ZNF133: variants seen among roughly 807,000 people sequenced by gnomAD.
ZNF133 encodes zinc finger protein 133 (clone pHZ-13).
ZNF133 carries 26 observed loss-of-function variants against 54.9 expected under a neutral mutation model. The ratio of observed to expected loss-of-function variants is 0.47; its 90% confidence interval spans 0.35 to 0.66. The LOEUF (loss-of-function observed/expected upper bound fraction) is 0.66, where lower values mean the gene tolerates loss of function less well. ZNF133 is among the 30% of genes least tolerant of loss of function. The probability of loss-of-function intolerance (pLI) is 0.01; values close to 1 mark genes in which losing one functional copy is unlikely to be tolerated. For synonymous variants in ZNF133, 298 were observed against 320.3 expected (o/e 0.93, Z 0.74); for missense variants, 653 against 820.8 (o/e 0.80, Z 2.50).
rs1225065262 is a variant in ZNF133 at position 18,305,806 on chromosome 20, G to A, written c.120G>A (p.Leu40=). The A allele has an allele frequency of 8.7e-6, 14 of 1,610,276 alleles. No homozygotes were observed. Among genetic ancestry groups the A allele is most frequent in the Non-Finnish European group, 1.2e-5 (14 of 1,178,354 alleles). The change falls in exon 5 of 7, where the codon CTG becomes CTA. Residue 40 remains leucine, a splice_region_variant and synonymous_variant. Transcript: ENST00000425686. This position sits in a 1 kb window ranked among gnomAD's most constrained non-coding sequence, Gnocchi z 4.7. The stretch of plus-strand genomic sequence containing the variant: ...AGAACTACAGCAACCTGGTCTCACT[G>A]GGTAAGCCTGATATCTGTTAGGATT... ...MLENYSNLVS[L]GISFSKPELI...
At chr20:18,299,148 A>G (rs1229085133) in intron 3 of ZNF133, among the ~76,000 whole-genome samples, 1 of 152,226 alleles carries the variant, frequency 6.6e-6, no homozygotes, top group Non-Finnish European at 1.5e-5. Flanking sequence ...TAGTGTACTT[A>G]CTAAACAAAG....
chr20:18,298,026 A>G lies in ZNF133; in HGVS notation c.-390A>G, dbSNP rs1303584508. The G allele has an allele frequency of 2.9e-5, 44 of 1,534,972 alleles. 1 individual carries two copies. Among genetic ancestry groups the G allele is most frequent in the Non-Finnish European group, 3.8e-5 (44 of 1,146,386 alleles). ...ATCATCCTTCTTCAGGGAGATAAGG[A>G]AAAAAAGCCACAGGGTCCCGGAGAG... On this transcript the variant is annotated 5_prime_UTR_variant, in exon 2 of 7. Transcript: ENST00000425686.
Position 18,306,347 on chromosome 20 carries a change from A to G in ZNF133, c.171A>G (p.Lys57=), listed in dbSNP as rs756712097. The change falls in exon 6 of 7, where the codon AAA becomes AAG. Residue 57 remains lysine (K), a synonymous_variant. Transcript: ENST00000425686. ...PELITQLEQG[K]ETWREEKKCS... ...TCATCACCCAGCTGGAGCAAGGGAA[A>G]GAGACCTGGAGAGAGGAAAAAAAAT... 1 of 1,613,860 alleles carries G rather than the reference A, an allele frequency of 6.2e-7. No individual in the cohort carries two copies. Among genetic ancestry groups the G allele is most frequent in the East Asian group, 2.2e-5 (1 of 44,898 alleles).
At chr20:18,301,618 C>G (rs895200691) in intron 3 of ZNF133, among the ~76,000 whole-genome samples, 5 of 152,078 alleles carry the variant, frequency 3.3e-5, no homozygotes, top group Non-Finnish European at 5.9e-5. Context: ...AAGGATTGTA[C>G]AAGAGAACTA....
chr20:18,288,714 C>T (rs2040200145), intron 1 of ZNF133, 110 bp downstream of exon 1: 2 of 398,144 alleles, frequency 5.0e-6, no homozygotes, highest in Admixed American at 4.4e-5. Flanking sequence ...GTGCGGGTGG[C>T]GCGGGGGTGG....
In ZNF133 at chr20:18,305,233, C is replaced by T. The variant is rs1471757998; in HGVS notation, c.-7+55C>T. 3 of 984,900 alleles carry T rather than the reference C, an allele frequency of 3.0e-6. No homozygotes were observed. Among genetic ancestry groups the T allele is most frequent in the Admixed American group, 6.1e-5 (1 of 16,472 alleles). 61.0% of individuals were successfully genotyped at this position (984,900 alleles called of 1,614,324 possible). On this transcript the variant is annotated intron_variant, in intron 4 of 6. Coordinates refer to ENST00000425686, the MANE Select transcript of ZNF133 (RefSeq NM_001352452.2). This position sits in a 1 kb window ranked among gnomAD's most constrained non-coding sequence, Gnocchi z 4.7. ...AGAGGTGGGTCTGAAACTCAGGCAC[C>T]ATGATTCCAGGGCTTCACTACTCTC...
chr20:18,308,716 A>G (rs1032867053), intron 6 of ZNF133, among the ~76,000 whole-genome samples: 1 of 152,208 alleles, frequency 6.6e-6, no homozygotes. Context: ...AAGCAGCAGC[A>G]TGTAGCTGGT....
At chr20:18,289,291 T>A (rs1016076336) in intron 1 of ZNF133, among the ~76,000 whole-genome samples, 3 of 152,146 alleles carry the variant, frequency 2.0e-5, no homozygotes, top group African/African-American at 7.2e-5. Flanking sequence ...GGGACCGTCA[T>A]TGATCGCAAG....
At position 18,316,653 on chromosome 20, in the gene ZNF133, C is replaced by A. The variant is rs766458219; in HGVS notation, c.1802C>A (p.Thr601Lys). 6.2e-7 allele frequency: 1 copy of A among 1,614,132 alleles called. No individual in the cohort carries two copies. The change falls in exon 7 of 7, where the codon ACG becomes AAG. Residue 601 changes from threonine to lysine, a missense_variant. Thr to Lys is a moderately conservative substitution (Grantham distance 78). This residue lies in a region of ZNF133 where 129 missense variants were observed against 138.5 expected (regional missense o/e 0.93). Transcript: ENST00000425686. ...SHLTLHQMTH[T>K]GEKPYVCKTC... is the part of the protein sequence containing the mutation. ...CTCACCTTACATCAAATGACACATACGGGGGAGAAGCCATATGTGTGCAAG... is the reference window on the plus strand; with the variant it reads ...CTCACCTTACATCAAATGACACATAAGGGGGAGAAGCCATATGTGTGCAAG...
chr20:18,291,002 C>A (rs1180529899), intron 1 of ZNF133, among the ~76,000 whole-genome samples: 1 of 152,168 alleles, frequency 6.6e-6, no homozygotes, highest in Non-Finnish European at 1.5e-5. Context: ...TGGCACACAC[C>A]AATAATCCCA....
At chr20:18,311,442 T>C (rs1476349666) in intron 6 of ZNF133, among the ~76,000 whole-genome samples, 3 of 152,178 alleles carry the variant, frequency 2.0e-5, no homozygotes, top group Admixed American at 2.0e-4. Flanking sequence ...AGGACAGAAA[T>C]ACACCAAGTT....
chr20:18,308,759 C>CT (rs2147601950), intron 6 of ZNF133, among the ~76,000 whole-genome samples: 1 of 152,270 alleles, frequency 6.6e-6, no homozygotes, highest in South Asian at 2.1e-4. Context: ...GTGGTGTTAA[C>CT]TTTTAATAGT....
intron 3 of ZNF133, among the ~76,000 whole-genome samples, chr20:18,303,298 C>T (rs1320483044): frequency 1.3e-5 from 2 of 152,204 alleles, no homozygotes; most frequent in South Asian, 4.1e-4. Flanking sequence ...CCACCTGCCT[C>T]GGCCTCCCAA....
rs762956986 is a variant in ZNF133 at position 18,315,296 on chromosome 20, G to C, written c.445G>C (p.Glu149Gln). Residue 149 changes from glutamate (E) to glutamine (Q), a missense_variant, in exon 7 of 7, where the codon GAA becomes CAA. By Grantham distance (29) the Glu-to-Gln change is conservative (BLOSUM62 2). Transcript: ENST00000425686. ...WSDQAEGPEGEGAMPLFGRTK... is the reference protein window; with the variant it reads ...WSDQAEGPEGQGAMPLFGRTK... ...TGATCAAGCAGAAGGTCCTGAGGGA[G>C]AAGGTGCCATGCCTTTGTTTGGAAG... 1.5e-5 allele frequency: 25 copies of C among 1,614,034 alleles called. No homozygotes were observed. In the South Asian group the frequency reaches 2.5e-4, roughly 16 times the overall value.
chr20:18,310,470 T>G (rs1231653270), intron 6 of ZNF133, among the ~76,000 whole-genome samples: 2 of 152,196 alleles, frequency 1.3e-5, no homozygotes, highest in African/African-American at 4.8e-5. Flanking sequence ...ACGGAATCAT[T>G]TGCAACAACA....
intron 1 of ZNF133, among the ~76,000 whole-genome samples, chr20:18,292,265 G>A (rs1486032264): frequency 6.6e-6 from 1 of 152,210 alleles, no homozygotes; most frequent in Admixed American, 6.5e-5. Context: ...CATGTCATGT[G>A]TTTGCTCAAA....
intron 6 of ZNF133, among the ~76,000 whole-genome samples, chr20:18,308,567 A>G (rs2045188033): frequency 6.6e-6 from 1 of 152,174 alleles, no homozygotes; most frequent in Non-Finnish European, 1.5e-5. Context: ...TCTTAGTTCC[A>G]TGAGCTATTG....
chr20:18,316,670 G>A lies in ZNF133; in HGVS notation c.1819G>A (p.Val607Met). 6.2e-7 allele frequency: 1 copy of A among 1,614,168 alleles called. No individual in the cohort carries two copies. Among genetic ancestry groups the A allele is most frequent in the East Asian group, 2.2e-5 (1 of 44,878 alleles). The change falls in exon 7 of 7, where the codon GTG becomes ATG. Residue 607 changes from valine to methionine, a missense_variant. By Grantham distance (21) the Val-to-Met change is conservative. This residue lies in a region of ZNF133 where 129 missense variants were observed against 138.5 expected (regional missense o/e 0.93). Transcript: ENST00000425686. Reference sequence around the variant, plus strand: ...GACACATACGGGGGAGAAGCCATATGTGTGCAAGACGTGTGGGCGGGGCTT... The same window carrying A: ...GACACATACGGGGGAGAAGCCATATATGTGCAAGACGTGTGGGCGGGGCTT... Reference protein sequence around the residue: ...QMTHTGEKPYVCKTCGRGFSL... With the variant: ...QMTHTGEKPYMCKTCGRGFSL...
At position 18,301,132 on chromosome 20, in the gene ZNF133, A is replaced by ATT. The variant is rs556937527; in HGVS notation, c.-178+2670_-178+2671dup. Among the ~76,000 whole-genome samples the ATT allele has an allele frequency of 1.2e-4, 18 of 152,322 alleles. 1 individual carries two copies. In the South Asian group the frequency reaches 3.3e-3, roughly 28 times the overall value. On this transcript the variant is annotated intron_variant, in intron 3 of 6. Transcript: ENST00000425686. ...GATTGAAACCAATAACTGAAAGAAA[A>ATT]TTTAAAAATTCACAAATACGTGAAA...
Sources: gnomAD v4.1 joint callset for allele counts (sites outside exome capture counted in the v4.1 genomes callset) on GRCh38, gnomAD v4.1.1 for gene constraint, gnomAD v4.1.1 regional missense constraint, Gnocchi (gnomAD v3.1) non-coding constraint, MANE v1.5 for transcripts, NCBI Gene and HGNC (gene_info 2026-07-23, HGNC 2026-07-21) for gene names.